Variants in CSMD3 observed in about 807,000 individuals in gnomAD.
CSMD3 encodes CUB and sushi domain-containing protein 3.
A neutral mutation model predicts 435.2 loss-of-function variants in CSMD3; 177 were observed. The observed-to-expected ratio is 0.41, with a 90% CI of 0.36 to 0.46. CSMD3 has a LOEUF of 0.46. Among genes scored for constraint, CSMD3 ranks in the 20% least tolerant of loss-of-function variants. The pLI is 0.34. For missense variants in CSMD3, 4,265 were observed against 4,504.6 expected (o/e 0.95, Z 1.52); for synonymous variants, 1,656 against 1,520.5 (o/e 1.09, Z -2.07).
chr8:112,484,655 T>G (rs1819945777), intron 31 of CSMD3, among the ~76,000 whole-genome samples: 1 of 152,116 alleles, frequency 6.6e-6, no homozygotes, highest in Admixed American at 6.5e-5. Flanking sequence ...CATCTGGAGA[T>G]ATGGTTTAAA....
In CSMD3 at chr8:113,423,900, C is replaced by T. The variant is rs1054907064; in HGVS notation, c.178+12777G>A. ...TATCAAAGCAGAAAAAATAGAAATT[C>T]ACATAGATATGGAAGTGCATAGTTC... On this transcript the variant is annotated intron_variant, in intron 1 of 70. Coordinates refer to ENST00000297405, the MANE Select transcript of CSMD3 (RefSeq NM_198123.2). 4.6e-5 allele frequency among the ~76,000 whole-genome samples: 7 copies of T among 151,746 alleles called. 1 individual carries two copies.
intron 22 of CSMD3, among the ~76,000 whole-genome samples, chr8:112,589,970 C>A (rs1333975991): frequency 6.6e-6 from 1 of 151,956 alleles, no homozygotes; most frequent in Non-Finnish European, 1.5e-5. Context: ...TAAGGAATAG[C>A]ATATGTAAAA....
intron 10 of CSMD3, among the ~76,000 whole-genome samples, chr8:112,897,463 C>T (rs1272568185): frequency 2.0e-5 from 3 of 151,222 alleles, no homozygotes; most frequent in African/African-American, 7.3e-5. Flanking sequence ...TAGATATCTA[C>T]CTGTATGATT....
intron 9 of CSMD3, among the ~76,000 whole-genome samples, 173 bp downstream of exon 9, chr8:112,947,617 C>T (rs193221800): frequency 7.2e-5 from 11 of 151,728 alleles, no homozygotes; most frequent in Admixed American, 5.9e-4. Context: ...AAAGTTAATG[C>T]ATTACTTAAC....
At chr8:112,726,813 T>C (rs1396094209) in intron 13 of CSMD3, among the ~76,000 whole-genome samples, 3 of 151,870 alleles carry the variant, frequency 2.0e-5, no homozygotes, top group Non-Finnish European at 2.9e-5. Context: ...AAGGAAAATT[T>C]GATTATTGAT....
chr8:112,948,302 C>T (rs1251115814), intron 8 of CSMD3, among the ~76,000 whole-genome samples: 1 of 151,868 alleles, frequency 6.6e-6, no homozygotes. Flanking sequence ...AAAAATACGA[C>T]TTTATGAAAA....
At chr8:112,935,044 G>A (rs2083237274) in intron 9 of CSMD3, among the ~76,000 whole-genome samples, 1 of 152,006 alleles carries the variant, frequency 6.6e-6, no homozygotes, top group African/African-American at 2.4e-5. Context: ...TGGGCCTTAT[G>A]TTAAATACCT....
chr8:112,335,527 A>G (rs1824475543), intron 44 of CSMD3, 53 bp from the exon 45 acceptor site: 3 of 1,501,964 alleles, frequency 2.0e-6, no homozygotes, highest in African/African-American at 1.4e-5. Flanking sequence ...TTGTGGAAGT[A>G]GTTTTGAACC....
chr8:112,471,699 T>A (rs1818540395), intron 32 of CSMD3, among the ~76,000 whole-genome samples: 1 of 152,148 alleles, frequency 6.6e-6, no homozygotes, highest in South Asian at 2.1e-4. Flanking sequence ...GCAGAAATGT[T>A]AAGTCAAGAT....
intron 38 of CSMD3, among the ~76,000 whole-genome samples, chr8:112,370,890 G>C (rs1033451250): frequency 1.3e-5 from 2 of 152,160 alleles, no homozygotes; most frequent in African/African-American, 2.4e-5. Flanking sequence ...CTGACACACA[G>C]AGTTCAGTAA....
chr8:113,411,431 G>A lies in CSMD3; in HGVS notation c.178+25246C>T, dbSNP rs368284655. Among the ~76,000 whole-genome samples the A allele has an allele frequency of 2.6e-5, 4 of 152,160 alleles. No individual in the cohort carries two copies. In the South Asian group the frequency reaches 8.3e-4, roughly 32 times the overall value. ...CAAACAACTGGATCTTCTTTAAAAT[G>A]GAAACACCCTCATTTGAAAAGAAAA... On this transcript the variant is annotated intron_variant, in intron 1 of 70. Transcript: ENST00000297405.
intron 4 of CSMD3, among the ~76,000 whole-genome samples, chr8:113,132,768 T>C (rs1464326889): frequency 1.3e-5 from 2 of 152,130 alleles, no homozygotes; most frequent in Non-Finnish European, 2.9e-5. Context: ...AAATGCCCAA[T>C]GAGACTGTGC....
chr8:112,931,787 GT>G (rs1300947917), intron 9 of CSMD3, among the ~76,000 whole-genome samples: 1 of 152,008 alleles, frequency 6.6e-6, no homozygotes, highest in Admixed American at 6.6e-5. Flanking sequence ...TGGACAAAGG[GT>G]CTGAACTGAC....
chr8:112,729,731 C>T (rs141786743), intron 13 of CSMD3, among the ~76,000 whole-genome samples: 7 of 152,004 alleles, frequency 4.6e-5, no homozygotes, highest in African/African-American at 1.7e-4. Flanking sequence ...TATATGGACA[C>T]ACAGAAGAGA....
chr8:112,642,649 C>T (rs2074864567), intron 20 of CSMD3, among the ~76,000 whole-genome samples: 1 of 152,032 alleles, frequency 6.6e-6, no homozygotes. Flanking sequence ...TCAAAATGAT[C>T]TCATAGGAAC....
intron 1 of CSMD3, among the ~76,000 whole-genome samples, chr8:113,333,810 C>T (rs528213704): frequency 1.3e-5 from 2 of 151,868 alleles, no homozygotes; most frequent in African/African-American, 2.4e-5. Context: ...TACAAAAAGT[C>T]TTGTTGAAAT....
intron 32 of CSMD3, among the ~76,000 whole-genome samples, chr8:112,440,103 T>C (rs1411456325): frequency 6.6e-6 from 1 of 152,118 alleles, no homozygotes; most frequent in Non-Finnish European, 1.5e-5. Context: ...GTCCCTTCTA[T>C]CTAAGAGCCT....
At chr8:112,592,034 C>T (rs1463252424) in intron 22 of CSMD3, among the ~76,000 whole-genome samples, 2 of 151,836 alleles carry the variant, frequency 1.3e-5, no homozygotes, top group South Asian at 2.1e-4. Context: ...AATGGGGCAT[C>T]TAAAAATTGT....
intron 5 of CSMD3, among the ~76,000 whole-genome samples, chr8:113,066,901 T>C (rs984314735): frequency 3.9e-5 from 6 of 152,054 alleles, no homozygotes; most frequent in Admixed American, 3.9e-4. Context: ...CCATAATACA[T>C]TAGATCAGGA....
Sources: gnomAD v4.1 joint callset for allele counts (sites outside exome capture counted in the v4.1 genomes callset) on GRCh38, gnomAD v4.1.1 for gene constraint, MANE v1.5 for transcripts, NCBI Gene and HGNC (gene_info 2026-07-23, HGNC 2026-07-21) for gene names.